HERC3: variants seen among roughly 807,000 people sequenced by gnomAD.
HERC3 encodes probable E3 ubiquitin-protein ligase HERC3.
In HERC3, 58 loss-of-function variants were observed where a neutral mutation model predicts 129.9. The ratio of observed to expected loss-of-function variants is 0.45; its 90% CI spans 0.36 to 0.56. HERC3 has a LOEUF of 0.56. Among genes scored for constraint, HERC3 ranks in the 20% least tolerant of loss-of-function variants. The probability of loss-of-function intolerance (pLI) is 0.00; values close to 1 mark genes in which losing one functional copy is unlikely to be tolerated. For missense variants in HERC3, 835 were observed against 1,244.2 expected (o/e 0.67, Z 4.95); for synonymous variants, 430 against 451.0 (o/e 0.95, Z 0.59).
the HERC3 span, among the ~76,000 whole-genome samples, chr4:88,561,245 T>C: frequency 6.6e-6 from 1 of 152,178 alleles, no homozygotes; most frequent in Non-Finnish European, 1.5e-5. Context: ...TGCCTCAATA[T>C]TGCTGATTGG....
intron 3 of HERC3, among the ~76,000 whole-genome samples, chr4:88,630,618 A>C (rs1726641025): frequency 6.6e-6 from 1 of 152,236 alleles, no homozygotes; most frequent in Non-Finnish European, 1.5e-5. Flanking sequence ...ATGTGAGCTG[A>C]ACTTTGAAGG....
chr4:88,612,067 G>A (rs1437451756), intron 3 of HERC3, among the ~76,000 whole-genome samples: 1 of 152,140 alleles, frequency 6.6e-6, no homozygotes, highest in African/African-American at 2.4e-5. Context: ...TGGTTCAGCT[G>A]CAAGGCACAT....
intron 23 of HERC3, among the ~76,000 whole-genome samples, chr4:88,692,150 GATA>G (rs1734135390): frequency 1.3e-5 from 2 of 152,216 alleles, no homozygotes; most frequent in Non-Finnish European, 2.9e-5. Flanking sequence ...GTCACATCTG[GATA>G]ATACTATATC....
intron 2 of HERC3, among the ~76,000 whole-genome samples, chr4:88,596,522 C>T (rs761294944): frequency 1.3e-5 from 2 of 152,204 alleles, no homozygotes; most frequent in Non-Finnish European, 2.9e-5. Context: ...TTGTACTCTG[C>T]TGAGAATGGA....
At chr4:88,675,586 C>G (rs1732074348) in intron 16 of HERC3, among the ~76,000 whole-genome samples, 1 of 151,910 alleles carries the variant, frequency 6.6e-6, no homozygotes, top group Non-Finnish European at 1.5e-5. Flanking sequence ...TATAACATAT[C>G]TCCTAGATGT....
intron 3 of HERC3, among the ~76,000 whole-genome samples, chr4:88,629,810 T>C (rs1444928911): frequency 6.6e-6 from 1 of 152,232 alleles, no homozygotes; most frequent in African/African-American, 2.4e-5. Context: ...ACAGTTTAAA[T>C]GCAAAGTCAA....
intron 14 of HERC3, among the ~76,000 whole-genome samples, chr4:88,669,302 A>C (rs1228267959): frequency 6.6e-6 from 1 of 152,140 alleles, no homozygotes; most frequent in East Asian, 1.9e-4. Flanking sequence ...AGTATGGCTG[A>C]GTTTATTTCC....
At chr4:88,693,038 G>A in intron 23 of HERC3, 1 of 976,110 alleles carries the variant, frequency 1.0e-6, no homozygotes, top group Non-Finnish European at 1.2e-6. Context: ...TTAAACTTAG[G>A]TGAAGACAAT....
At position 88,592,512 on chromosome 4, in the gene HERC3, C is replaced by A. The variant is rs1047792092; in HGVS notation, c.-150C>A. ...TTGTGACGCCGAAAACGGAGAAACC[C>A]CGGGTCCGGCGAGAGGGGCTGTGAC... On this transcript the variant is annotated 5_prime_UTR_variant, in exon 1 of 26. Transcript: ENST00000402738. 6.6e-6 allele frequency: 1 copy of A among 152,448 alleles called. No homozygotes were observed. The highest frequency in any genetic ancestry group is 1.5e-5 in the Non-Finnish European group (1 of 68,132). The allele number at this position is 152,448 out of a possible 1,614,324, so 9.4% of individuals were successfully genotyped here. A position where few individuals can be genotyped will look rare whatever the true frequency, so the allele number is the denominator to read the frequency against.
rs1352162891 is a variant in HERC3 at position 88,686,448 on chromosome 4, A to G, written c.2508-288A>G. Among the ~76,000 whole-genome samples, 3 of 152,220 alleles carry G rather than the reference A, an allele frequency of 2.0e-5. No individual in the cohort carries two copies. The East Asian group carries it at 5.8e-4, about 29-fold the overall frequency. On this transcript the variant is annotated intron_variant, in intron 21 of 25. Coordinates refer to ENST00000402738, the MANE Select transcript of HERC3 (RefSeq NM_014606.3). ...ACACTTGCAAGCTACACCAGAGTTAAGAGGACACAAGTATGTCAGATTAAA... is the reference window on the plus strand; with the variant it reads ...ACACTTGCAAGCTACACCAGAGTTAGGAGGACACAAGTATGTCAGATTAAA...
the HERC3 span, among the ~76,000 whole-genome samples, chr4:88,526,865 G>A: frequency 9.9e-5 from 15 of 152,090 alleles, no homozygotes; most frequent in African/African-American, 3.6e-4. Context: ...AATCATAAAA[G>A]TCCTATTAAT....
At chr4:88,529,341 T>C in the HERC3 span, among the ~76,000 whole-genome samples, 2 of 152,078 alleles carry the variant, frequency 1.3e-5, no homozygotes, top group Non-Finnish European at 2.9e-5. Flanking sequence ...CTGCAAGTAC[T>C]AGCTACTCAG....
intron 3 of HERC3, among the ~76,000 whole-genome samples, chr4:88,647,265 A>G (rs1007429917): frequency 3.3e-5 from 5 of 152,196 alleles, no homozygotes; most frequent in Admixed American, 6.5e-5. Context: ...TCAGAGCGAC[A>G]GTATTCTGTC....
intron 3 of HERC3, among the ~76,000 whole-genome samples, chr4:88,606,885 G>A (rs905554007): frequency 6.6e-6 from 1 of 152,150 alleles, no homozygotes; most frequent in Non-Finnish European, 1.5e-5. Context: ...TGAGAAATAT[G>A]ACAGTTTTTT....
intron 3 of HERC3, among the ~76,000 whole-genome samples, chr4:88,611,194 A>C (rs1724275099): frequency 6.6e-6 from 1 of 152,232 alleles, no homozygotes; most frequent in South Asian, 2.1e-4. Context: ...TTGAATGGAA[A>C]GATTATGTGG....
chr4:88,707,198 T>G lies in HERC3; in HGVS notation c.*238T>G. On this transcript the variant is annotated 3_prime_UTR_variant, in exon 26 of 26. Coordinates refer to ENST00000402738, the MANE Select transcript of HERC3 (RefSeq NM_014606.3). ...CTTGTATGGGAGGTGTTTTTGTTTT[T>G]GTTTTAAACCAAACTACCCAGTATT... The G allele has an allele frequency of 1.9e-6, 1 of 518,004 alleles. No homozygotes were observed. Among genetic ancestry groups the G allele is most frequent in the South Asian group, 2.3e-5 (1 of 44,296 alleles). 32.1% of individuals were successfully genotyped at this position (518,004 alleles called of 1,614,324 possible).
Position 88,632,577 on chromosome 4 carries a change from A to G in HERC3, c.227-17263A>G, listed in dbSNP as rs537729013. ...TGGAGAAACAAAGTTCTCAGGCAAG[A>G]AATAGATGATGTGAAGAGGAACCAA... is the stretch of plus-strand genomic sequence containing the variant. On this transcript the variant is annotated intron_variant, in intron 3 of 25. Coordinates refer to ENST00000402738, the MANE Select transcript of HERC3 (RefSeq NM_014606.3). Among the ~76,000 whole-genome samples the G allele has an allele frequency of 4.6e-5, 7 of 152,362 alleles. No homozygotes were observed. The East Asian group carries it at 1.3e-3, about 29-fold the overall frequency.
In HERC3 at chr4:88,658,399, ATT is replaced by A; in HGVS notation, c.1070-7_1070-6del. 1.4e-5 allele frequency: 19 copies of A among 1,402,752 alleles called. No homozygotes were observed. Among genetic ancestry groups the A allele is most frequent in the South Asian group, 2.6e-5 (2 of 76,684 alleles). The allele number at this position is 1,402,752 out of a possible 1,614,324, so 86.9% of individuals were successfully genotyped here. A position where few individuals can be genotyped will look rare whatever the true frequency, so the allele number is the denominator to read the frequency against. On this transcript the variant is annotated splice_polypyrimidine_tract_variant and intron_variant, in intron 9 of 25. Coordinates refer to ENST00000402738, the MANE Select transcript of HERC3 (RefSeq NM_014606.3). The stretch of plus-strand genomic sequence containing the variant: ...AATTAATGAAAAATATGCTTTCGGA[ATT>A]TTTTTTTTGACAGATCGCTTTAAAT...
intron 3 of HERC3, among the ~76,000 whole-genome samples, chr4:88,634,105 G>C (rs537160983): frequency 1.3e-5 from 2 of 149,404 alleles, no homozygotes; most frequent in African/African-American, 2.5e-5. Context: ...GTGGTGCGGC[G>C]GCCCACCTGA....
Sources: gnomAD v4.1 joint callset for allele counts (sites outside exome capture counted in the v4.1 genomes callset) on GRCh38, gnomAD v4.1.1 for gene constraint, MANE v1.5 for transcripts, NCBI Gene and HGNC (gene_info 2026-07-23, HGNC 2026-07-21) for gene names.